The following FAXC variants were observed in gnomAD, a reference collection of about 807,000 sequenced individuals.
The protein encoded by FAXC is failed axon connections homolog, metaxin like GST domain containing.
In FAXC, 10 loss-of-function variants were observed where a neutral mutation model predicts 41.9. The observed-to-expected ratio is 0.24, with a 90% CI of 0.15 to 0.41. The LOEUF (loss-of-function observed/expected upper bound fraction) is 0.41, where lower values mean the gene tolerates loss of function less well. FAXC is among the 10% of genes least tolerant of loss of function. The pLI is 1.00. For missense variants in FAXC, 399 were observed against 510.9 expected, an observed-to-expected ratio of 0.78 and a Z score of 2.11; for synonymous variants, 183 against 183.8, an observed-to-expected ratio of 1.00 and a Z score of 0.03.
intron 2 of FAXC, among the ~76,000 whole-genome samples, chr6:99,340,910 C>G (rs1320889082): frequency 6.6e-6 from 1 of 152,030 alleles, no homozygotes; most frequent in African/African-American, 2.4e-5. Flanking sequence ...CTCAAGGGAT[C>G]CATCCTCCTC....
At position 99,278,250 on chromosome 6, in the gene FAXC, G is replaced by A. The variant is rs186880378; in HGVS notation, c.*2914C>T. The A allele has an allele frequency of 6.6e-6, 1 of 152,336 alleles. No homozygotes were observed. Among genetic ancestry groups the A allele is most frequent in the East Asian group, 1.9e-4 (1 of 5,190 alleles). The allele number at this position is 152,336 out of a possible 1,614,324, so 9.4% of individuals were successfully genotyped here. On this transcript the variant is annotated 3_prime_UTR_variant, in exon 6 of 6. Transcript: ENST00000389677. ...TTGTCCTTATATCTGTTCTGATGGA[G>A]AGTAAAGCTCAATGATTCTGCTCAT... is the stretch of plus-strand genomic sequence containing the variant.
chr6:99,336,870 C>G (rs1056007762), intron 2 of FAXC, among the ~76,000 whole-genome samples: 2 of 152,160 alleles, frequency 1.3e-5, no homozygotes, highest in African/African-American at 4.8e-5. Context: ...ATTTGATATA[C>G]TGGCCAGAAT....
intron 4 of FAXC, among the ~76,000 whole-genome samples, chr6:99,319,192 T>C (rs971039918): frequency 1.1e-4 from 16 of 151,914 alleles, no homozygotes; most frequent in African/African-American, 3.9e-4. Context: ...GGTCGAGAGA[T>C]CGAGACCATC....
At chr6:99,324,938 T>G (rs1291674288) in intron 3 of FAXC, among the ~76,000 whole-genome samples, 1 of 152,060 alleles carries the variant, frequency 6.6e-6, no homozygotes, top group Non-Finnish European at 1.5e-5. Flanking sequence ...TCCCAGCTAC[T>G]CGAGAGGGCA....
chr6:99,291,608 A>G, intron 5 of FAXC, 96 bp downstream of exon 5: 2 of 873,614 alleles, frequency 2.3e-6, no homozygotes, highest in Non-Finnish European at 3.9e-6. Context: ...AGCACACCCA[A>G]GACGAAAGCA....
chr6:99,287,415 G>A (rs1353570115), intron 5 of FAXC, among the ~76,000 whole-genome samples: 1 of 151,736 alleles, frequency 6.6e-6, no homozygotes, highest in Non-Finnish European at 1.5e-5. Context: ...TTTTCTTCAG[G>A]AAGCAAATTA....
At chr6:99,302,414 G>A (rs534025520) in intron 4 of FAXC, among the ~76,000 whole-genome samples, 2 of 152,312 alleles carry the variant, frequency 1.3e-5, no homozygotes, top group East Asian at 3.9e-4. Context: ...CCAGCACTTT[G>A]GGAGGCCGAG....
chr6:99,322,988 C>T (rs1196484078), intron 4 of FAXC, among the ~76,000 whole-genome samples: 1 of 152,198 alleles, frequency 6.6e-6, no homozygotes, highest in African/African-American at 2.4e-5. Context: ...TCCACATATA[C>T]AGGGAATGGA....
chr6:99,321,299 C>T (rs1772579485), intron 4 of FAXC, among the ~76,000 whole-genome samples: 1 of 152,144 alleles, frequency 6.6e-6, no homozygotes, highest in African/African-American at 2.4e-5. Flanking sequence ...AATTATTTCC[C>T]CAAATCTTGA....
chr6:99,278,979 T>C lies in FAXC; in HGVS notation c.*2185A>G, dbSNP rs1264355835. ...AGATAGATTGTTCATAGAAAAAAATTCAAATACATTTCTTTTCTACTAAAA... is the reference window on the plus strand; with the variant it reads ...AGATAGATTGTTCATAGAAAAAAATCCAAATACATTTCTTTTCTACTAAAA... On this transcript the variant is annotated 3_prime_UTR_variant, in exon 6 of 6. Coordinates refer to ENST00000389677, the MANE Select transcript of FAXC (RefSeq NM_032511.4). The C allele has an allele frequency of 6.6e-6, 1 of 152,214 alleles. No individual in the cohort carries two copies. Among genetic ancestry groups the C allele is most frequent in the East Asian group, 1.9e-4 (1 of 5,200 alleles). The allele number at this position is 152,214 out of a possible 1,614,324, so 9.4% of individuals were successfully genotyped here. A position where few individuals can be genotyped will look rare whatever the true frequency, so the allele number is the denominator to read the frequency against.
In FAXC at chr6:99,318,306, C is replaced by CACACACACAA. The variant is rs147852055; in HGVS notation, c.823+5137_823+5138insTTGTGTGTGT. On this transcript the variant is annotated intron_variant, in intron 4 of 5. Coordinates refer to ENST00000389677, the MANE Select transcript of FAXC (RefSeq NM_032511.4). ...ACACACACACACACACACACACACA[C>CACACACACAA]AAAATAGAAGAAATGGAAAATATAT... 3.1e-3 allele frequency among the ~76,000 whole-genome samples: 422 copies of CACACACACAA among 135,300 alleles called. 10 individuals are homozygous for CACACACACAA. The highest frequency in any genetic ancestry group is 0.012 in the Middle Eastern group (3 of 256). The allele number at this position is 135,300 out of a possible 152,430, so 88.8% of individuals were successfully genotyped here.
chr6:99,327,695 T>C (rs1772865956), intron 3 of FAXC, among the ~76,000 whole-genome samples: 1 of 152,186 alleles, frequency 6.6e-6, no homozygotes, highest in Non-Finnish European at 1.5e-5. Context: ...ATGGATACTA[T>C]GTGGATGACC....
chr6:99,348,805 T>C (rs567972601), intron 1 of FAXC, among the ~76,000 whole-genome samples: 1 of 152,352 alleles, frequency 6.6e-6, no homozygotes, highest in South Asian at 2.1e-4. Context: ...AATTCTATTG[T>C]TGCAAACACA....
intron 3 of FAXC, among the ~76,000 whole-genome samples, chr6:99,329,907 T>A (rs1469204671): frequency 1.3e-5 from 2 of 148,652 alleles, no homozygotes; most frequent in African/African-American, 4.9e-5. Flanking sequence ...ATTTTTGTTA[T>A]TTTTTTTTAG....
At chr6:99,333,229 A>T (rs1773092941) in intron 3 of FAXC, 122 bp downstream of exon 3, 2 of 813,650 alleles carry the variant, frequency 2.5e-6, no homozygotes, top group Non-Finnish European at 3.8e-6. Flanking sequence ...TGACTGAGCC[A>T]CTCACTTCAT....
chr6:99,341,552 A>G (rs1773428485), intron 2 of FAXC, among the ~76,000 whole-genome samples: 1 of 152,220 alleles, frequency 6.6e-6, no homozygotes, highest in African/African-American at 2.4e-5. Context: ...CAAGAGTAAA[A>G]GATGTGAACT....
chr6:99,314,454 G>T (rs918230210), intron 4 of FAXC, among the ~76,000 whole-genome samples: 2 of 152,058 alleles, frequency 1.3e-5, no homozygotes, highest in Admixed American at 1.3e-4. Context: ...CACGCCTGTG[G>T]TCCCAGCTAC....
intron 5 of FAXC, among the ~76,000 whole-genome samples, chr6:99,286,675 A>T (rs930745950): frequency 3.3e-5 from 5 of 152,162 alleles, no homozygotes; most frequent in African/African-American, 1.2e-4. Context: ...CATGGCTTCA[A>T]TTTCACTTTT....
intron 2 of FAXC, among the ~76,000 whole-genome samples, chr6:99,334,286 C>T (rs1773137213): frequency 6.6e-6 from 1 of 152,082 alleles, no homozygotes; most frequent in South Asian, 2.1e-4. Flanking sequence ...TAGGCCTAAC[C>T]TCAAAAAGGG....
Sources: gnomAD v4.1 joint callset for allele counts (sites outside exome capture counted in the v4.1 genomes callset) on GRCh38, gnomAD v4.1.1 for gene constraint, MANE v1.5 for transcripts, NCBI Gene and HGNC (gene_info 2026-07-23, HGNC 2026-07-21) for gene names.